The following RAD50 variants were observed in gnomAD, a reference collection of about 807,000 sequenced individuals.
The protein encoded by RAD50 is DNA repair protein RAD50.
RAD50 carries 132 observed loss-of-function variants against 168.8 expected under a neutral mutation model. The observed-to-expected ratio is 0.78, with a 90% CI of 0.68 to 0.90. The LOEUF is 0.90. RAD50 is among the 40% of genes least tolerant of loss of function. RAD50 has a pLI of 0.00. For synonymous variants in RAD50, 525 were observed against 497.4 expected (o/e 1.06, Z -0.74); for missense variants, 1,347 against 1,534.4 (o/e 0.88, Z 2.04).
intron 21 of RAD50, among the ~76,000 whole-genome samples, chr5:132,619,839 T>TATATATATAAAA (rs1561651662): frequency 8.6e-6 from 1 of 116,294 alleles, no homozygotes; most frequent in African/African-American, 4.1e-5. Flanking sequence ...TCTCTCTCTA[T>TATATATATAAAA]ATATATATAT....
intron 23 of RAD50, among the ~76,000 whole-genome samples, chr5:132,640,055 G>GTAT (rs1314988556): frequency 6.6e-6 from 1 of 152,104 alleles, no homozygotes; most frequent in African/African-American, 2.4e-5. Context: ...GAGGGTTTTA[G>GTAT]TATTAGGTTT....
In RAD50 at chr5:132,575,886, A is replaced by G. The variant is rs542347773; in HGVS notation, c.323A>G (p.Lys108Arg). The G allele has an allele frequency of 1.3e-5, 21 of 1,611,246 alleles. No individual in the cohort carries two copies. The East Asian group carries it at 4.5e-4, about 34-fold the overall frequency. ...RSMVCTQKSK[K>R]TEFKTLEGVI... ...ATGGTGTGTACTCAGAAAAGCAAAA[A>G]GACAGAATTTAAAACTCTGGAAGGA... Residue 108 changes from lysine to arginine, a missense_variant, in exon 3 of 25, where the codon AAG (lysine) becomes AGG (arginine). Lys to Arg is a conservative substitution (Grantham distance 26, BLOSUM62 2). Coordinates refer to ENST00000378823, the MANE Select transcript of RAD50 (RefSeq NM_005732.4).
chr5:132,615,853 A>C, intron 19 of RAD50, 150 bp from the exon 20 acceptor site: 1 of 775,702 alleles, frequency 1.3e-6, no homozygotes, highest in Non-Finnish European at 2.1e-6. Flanking sequence ...AGACCTGTAG[A>C]TTCCTTCACA....
At chr5:132,565,946 C>G (rs1301129580) in intron 2 of RAD50, among the ~76,000 whole-genome samples, 1 of 152,172 alleles carries the variant, frequency 6.6e-6, no homozygotes, top group Non-Finnish European at 1.5e-5. Context: ...CTCATTTATT[C>G]CACTCTAGGC....
chr5:132,604,558 C>T (rs189946413), intron 15 of RAD50, among the ~76,000 whole-genome samples: 3 of 152,034 alleles, frequency 2.0e-5, no homozygotes, highest in Admixed American at 6.6e-5. Flanking sequence ...TGAGCCAGTG[C>T]GCCTGGCCAT....
chr5:132,587,544 A>G lies in RAD50; in HGVS notation c.757-18A>G. ...AGCTATAGTGAGTTTTATTTATGTA[A>G]TGTTTCTTTATTTTCAGAATCGTCT... On this transcript the variant is annotated intron_variant, in intron 5 of 24. Transcript: ENST00000378823. 6.2e-7 allele frequency: 1 copy of G among 1,611,510 alleles called. No individual in the cohort carries two copies. Among genetic ancestry groups the G allele is most frequent in the African/African-American group, 1.3e-5 (1 of 74,884 alleles).
intron 24 of RAD50, 40 bp from the exon 25 acceptor site, chr5:132,642,134 GTTAT>G: frequency 6.3e-7 from 1 of 1,583,728 alleles, no homozygotes; most frequent in Non-Finnish European, 8.7e-7. Flanking sequence ...CAAAGAAGGG[GTTAT>G]GCTCTTTACT....
intron 5 of RAD50, among the ~76,000 whole-genome samples, chr5:132,581,094 G>GTATT (rs971534162): frequency 5.4e-4 from 82 of 151,988 alleles, no homozygotes; most frequent in African/African-American, 1.8e-3. Flanking sequence ...ATACATGTTT[G>GTATT]TATTTATTTA....
At chr5:132,612,073 C>G (rs1050170376) in intron 19 of RAD50, among the ~76,000 whole-genome samples, 8 of 152,302 alleles carry the variant, frequency 5.3e-5, no homozygotes, top group Admixed American at 3.3e-4. Context: ...CAAGAATGCT[C>G]ATAGCAGCAT....
In RAD50 at chr5:132,639,676, G is replaced by A. The variant is rs1751674642; in HGVS notation, c.3619-996G>A. The stretch of plus-strand genomic sequence containing the variant: ...ATTGTCTCCTTGGTGTGAGGGGAGA[G>A]AACAAATAATGGAGGTGGGCCTCCA... On this transcript the variant is annotated intron_variant, in intron 23 of 24. Transcript: ENST00000378823. 2.0e-5 allele frequency among the ~76,000 whole-genome samples: 3 copies of A among 152,286 alleles called. No homozygotes were observed. In the East Asian group the frequency reaches 5.8e-4, roughly 29 times the overall value.
intron 21 of RAD50, among the ~76,000 whole-genome samples, chr5:132,625,787 C>T (rs1751363490): frequency 6.6e-6 from 1 of 152,180 alleles, no homozygotes; most frequent in Non-Finnish European, 1.5e-5. Flanking sequence ...GTTTGTCTTT[C>T]TGTGCCTGGC....
chr5:132,639,353 C>CAAAAA (rs980327824), intron 23 of RAD50, among the ~76,000 whole-genome samples: 4 of 82,672 alleles, frequency 4.8e-5, no homozygotes, highest in African/African-American at 1.7e-4. Context: ...AACTCCGTCT[C>CAAAAA]AAAAAAAAAA....
At chr5:132,597,548 A>G (rs1750812787) in intron 13 of RAD50, among the ~76,000 whole-genome samples, 2 of 152,170 alleles carry the variant, frequency 1.3e-5, no homozygotes, top group Non-Finnish European at 2.9e-5. Context: ...CCATGTTGCA[A>G]GCAGCCCTCT....
At chr5:132,572,282 A>G (rs752393154) in intron 2 of RAD50, among the ~76,000 whole-genome samples, 1 of 152,226 alleles carries the variant, frequency 6.6e-6, no homozygotes, top group African/African-American at 2.4e-5. Context: ...GAAGGCATCC[A>G]CAGAAGTACC....
intron 2 of RAD50, among the ~76,000 whole-genome samples, chr5:132,566,116 C>A (rs1015471690): frequency 6.6e-6 from 1 of 152,036 alleles, no homozygotes; most frequent in Non-Finnish European, 1.5e-5. Context: ...ATACACATTT[C>A]TTTGTTTTAA....
At position 132,588,898 on chromosome 5, in the gene RAD50, C is replaced by T. The variant is rs1180212711; in HGVS notation, c.1245+18C>T. The T allele has an allele frequency of 1.3e-6, 2 of 1,595,500 alleles. No individual in the cohort carries two copies. Among genetic ancestry groups the T allele is most frequent in the African/African-American group, 1.3e-5 (1 of 74,250 alleles). On this transcript the variant is annotated intron_variant, in intron 8 of 24. Transcript: ENST00000378823. Reference sequence around the variant, plus strand: ...AACTGATGGCAAGTATTTTGAAATACAGTATTTGTTATTTTGTTTGCATCA... The same window carrying T: ...AACTGATGGCAAGTATTTTGAAATATAGTATTTGTTATTTTGTTTGCATCA...
chr5:132,634,099 G>A (rs1272303948), intron 21 of RAD50, among the ~76,000 whole-genome samples: 1 of 151,912 alleles, frequency 6.6e-6, no homozygotes, highest in Non-Finnish European at 1.5e-5. Context: ...ATTCTGTTAA[G>A]CATTTTTTAA....
chr5:132,629,554 GAA>G (rs1751428073), intron 21 of RAD50, among the ~76,000 whole-genome samples: 1 of 152,130 alleles, frequency 6.6e-6, no homozygotes, highest in East Asian at 1.9e-4. Context: ...TCTTCTAAAT[GAA>G]AAGAGGTGAT....
intron 23 of RAD50, among the ~76,000 whole-genome samples, chr5:132,639,204 T>C (rs1030353717): frequency 6.6e-6 from 1 of 151,744 alleles, no homozygotes; most frequent in South Asian, 2.1e-4. Context: ...AATACAAAAA[T>C]TAGCTGGGCA....
Sources: gnomAD v4.1 joint callset for allele counts (sites outside exome capture counted in the v4.1 genomes callset) on GRCh38, gnomAD v4.1.1 for gene constraint, MANE v1.5 for transcripts, NCBI Gene and HGNC (gene_info 2026-07-23, HGNC 2026-07-21) for gene names.